The following GALNT13 variants were observed in gnomAD, a reference collection of about 807,000 sequenced individuals.
The protein encoded by GALNT13 is UDP-GalNAc:polypeptide N-acetylgalactosaminyltransferase 13.
Under a neutral mutation model 64.2 loss-of-function variants are expected in GALNT13, and 28 were observed. The observed-to-expected ratio is 0.44, with a 90% CI of 0.32 to 0.60. The LOEUF (loss-of-function observed/expected upper bound fraction) is 0.60. Ranked by LOEUF, GALNT13 falls within the 20% of genes least tolerant of loss-of-function variation. The pLI is 0.05. For synonymous variants in GALNT13, 214 were observed against 224.6 expected, an observed-to-expected ratio of 0.95 and a Z score of 0.42; for missense variants, 577 against 669.8, an observed-to-expected ratio of 0.86 and a Z score of 1.53.
chr2:154,359,519 T>G (rs921545356), intron 9 of GALNT13, among the ~76,000 whole-genome samples: 2 of 152,104 alleles, frequency 1.3e-5, no homozygotes, highest in Non-Finnish European at 2.9e-5. Context: ...TGTGGACAAC[T>G]ACCTTAAGAG....
intron 3 of GALNT13, among the ~76,000 whole-genome samples, chr2:154,115,746 G>A (rs550298073): frequency 1.3e-5 from 2 of 151,940 alleles, no homozygotes; most frequent in South Asian, 2.1e-4. Context: ...TTAACTTCCC[G>A]ATCTGCAACA....
chr2:153,778,417 G>A, the GALNT13 span, among the ~76,000 whole-genome samples: 2 of 152,146 alleles, frequency 1.3e-5, no homozygotes, highest in Non-Finnish European at 2.9e-5. Flanking sequence ...CCTCTACCCA[G>A]TACTTCCCTT....
chr2:153,909,285 C>G (rs1688787576), intron 2 of GALNT13, among the ~76,000 whole-genome samples: 1 of 151,936 alleles, frequency 6.6e-6, no homozygotes, highest in African/African-American at 2.4e-5. Context: ...TGTACATTGA[C>G]TTTTTATCCT....
intron 4 of GALNT13, among the ~76,000 whole-genome samples, chr2:154,168,128 G>A (rs1160471): frequency 0.13 from 19,756 of 151,902 alleles, 1,418 homozygotes; most frequent in South Asian, 0.22. Flanking sequence ...CCTGGCCAAC[G>A]TGAAGTGGTC....
At chr2:154,012,930 C>A (rs904935262) in intron 3 of GALNT13, among the ~76,000 whole-genome samples, 1 of 151,802 alleles carries the variant, frequency 6.6e-6, no homozygotes, top group Non-Finnish European at 1.5e-5. Context: ...TATCTTAAAA[C>A]GGCCATTTCT....
At chr2:153,862,757 A>G in the GALNT13 span, among the ~76,000 whole-genome samples, 3 of 152,176 alleles carry the variant, frequency 2.0e-5, no homozygotes, top group African/African-American at 7.2e-5. Flanking sequence ...TCATATACGT[A>G]AGATAATTAC....
intron 2 of GALNT13, among the ~76,000 whole-genome samples, chr2:153,942,362 C>T (rs145723788): frequency 2.5e-4 from 38 of 152,076 alleles, no homozygotes; most frequent in African/African-American, 8.9e-4. Context: ...GTGTAGTGAC[C>T]GTCAATGTTA....
chr2:153,828,369 T>C, the GALNT13 span, among the ~76,000 whole-genome samples: 1 of 152,220 alleles, frequency 6.6e-6, no homozygotes. Context: ...GGAGTTTCTA[T>C]ACATCCTCTG....
the GALNT13 span, among the ~76,000 whole-genome samples, chr2:153,546,702 CTTG>C: frequency 6.6e-6 from 1 of 152,134 alleles, no homozygotes; most frequent in Non-Finnish European, 1.5e-5. Context: ...TGCAAAATAC[CTTG>C]TCAATAAATC....
At chr2:153,364,167 G>A in the GALNT13 span, among the ~76,000 whole-genome samples, 1 of 152,040 alleles carries the variant, frequency 6.6e-6, no homozygotes, top group Admixed American at 6.6e-5. Context: ...ATGCAGAAAA[G>A]GCCTTTGATA....
At chr2:153,846,275 G>T in the GALNT13 span, among the ~76,000 whole-genome samples, 1 of 152,040 alleles carries the variant, frequency 6.6e-6, no homozygotes, top group Admixed American at 6.6e-5. Flanking sequence ...AATATATGTA[G>T]AATTTAAACA....
At chr2:154,018,702 G>A (rs1438838306) in intron 3 of GALNT13, among the ~76,000 whole-genome samples, 1 of 151,364 alleles carries the variant, frequency 6.6e-6, no homozygotes, top group Non-Finnish European at 1.5e-5. Flanking sequence ...GAGAATGGTG[G>A]AACGGGTGAG....
At chr2:154,342,846 G>A (rs947433519) in intron 9 of GALNT13, among the ~76,000 whole-genome samples, 2 of 151,842 alleles carry the variant, frequency 1.3e-5, no homozygotes, top group African/African-American at 4.8e-5. Flanking sequence ...GTGTGTGTGT[G>A]TGCGAGATTT....
At chr2:153,495,748 AGT>A in the GALNT13 span, among the ~76,000 whole-genome samples, 3,747 of 152,294 alleles carry the variant, frequency 0.025, 131 homozygotes, top group African/African-American at 0.084. Context: ...TTTCTGAAAC[AGT>A]GGGGAGGGAA....
rs1682114779 is a variant in GALNT13 at position 154,124,057 on chromosome 2, T to C, written c.143-16280T>C. 1.3e-5 allele frequency among the ~76,000 whole-genome samples: 2 copies of C among 152,088 alleles called. 1 individual carries two copies. The highest frequency in any genetic ancestry group is 4.1e-4 in the South Asian group (2 of 4,832). On this transcript the variant is annotated intron_variant, in intron 3 of 12. Transcript: ENST00000392825. ...AAAGGTAGTTTGAAAAAATGTTTCT[T>C]AACTAAGAGGGCCAAGAATTAGCAT... is the stretch of plus-strand genomic sequence containing the variant.
intron 4 of GALNT13, among the ~76,000 whole-genome samples, chr2:154,145,100 C>CTA (rs1553484442): frequency 0.031 from 3,697 of 119,262 alleles, 64 homozygotes; most frequent in Middle Eastern, 0.049. Context: ...ATCTATCTAT[C>CTA]TATATATATA....
At chr2:153,189,729 A>G in the GALNT13 span, among the ~76,000 whole-genome samples, 26,232 of 151,974 alleles carry the variant, frequency 0.17, 2,402 homozygotes, top group African/African-American at 0.2. Context: ...ACTGAATAGG[A>G]GTTCTGATAC....
At chr2:154,312,012 A>G (rs1462117048) in intron 9 of GALNT13, among the ~76,000 whole-genome samples, 1 of 152,086 alleles carries the variant, frequency 6.6e-6, no homozygotes, top group Non-Finnish European at 1.5e-5. Flanking sequence ...CATGCTGTAC[A>G]ATTTGTGTAG....
the GALNT13 span, among the ~76,000 whole-genome samples, chr2:153,440,309 C>G: frequency 6.6e-6 from 1 of 152,098 alleles, no homozygotes; most frequent in Non-Finnish European, 1.5e-5. Flanking sequence ...CATAGTATTC[C>G]GTCGTGTATA....
Sources: gnomAD v4.1 joint callset for allele counts (sites outside exome capture counted in the v4.1 genomes callset) on GRCh38, gnomAD v4.1.1 for gene constraint, MANE v1.5 for transcripts, NCBI Gene and HGNC (gene_info 2026-07-23, HGNC 2026-07-21) for gene names.